The following IGSF21 variants were observed in gnomAD, a reference collection of about 807,000 sequenced individuals.
The protein encoded by IGSF21 is immunoglobin superfamily member 21.
A neutral mutation model predicts 46.8 loss-of-function variants in IGSF21; 28 were observed. The observed-to-expected ratio is 0.60, with a 90% CI of 0.44 to 0.82. IGSF21 has a LOEUF of 0.82. Among genes scored for constraint, IGSF21 ranks in the 40% least tolerant of loss-of-function variants. IGSF21 has a pLI of 0.00. For missense variants in IGSF21, 624 were observed against 665.5 expected (o/e 0.94, Z 0.69); for synonymous variants, 284 against 273.6 (o/e 1.04, Z -0.38).
chr1:18,187,109 T>C (rs924554914), intron 1 of IGSF21, among the ~76,000 whole-genome samples: 1 of 152,052 alleles, frequency 6.6e-6, no homozygotes, highest in Non-Finnish European at 1.5e-5. Context: ...TTCTGGGGAC[T>C]AGGAAGTCCA....
At position 18,227,948 on chromosome 1, in the gene IGSF21, G is replaced by C. The variant is rs371692339; in HGVS notation, c.121G>C (p.Ala41Pro). Residue 41 changes from alanine (A) to proline (P), a missense_variant, in exon 2 of 10, where the codon GCC becomes CCC. Transcript: ENST00000251296. ...TCTCCCCCCTGTGGTGGCTGGAGACGCCGTGACTTTGAAGTGTAACTTCAA... is the reference window on the plus strand; with the variant it reads ...TCTCCCCCCTGTGGTGGCTGGAGACCCCGTGACTTTGAAGTGTAACTTCAA... ...EPLPPVVAGD[A>P]VTLKCNFKTD... 9 of 1,613,936 alleles carry C rather than the reference G, an allele frequency of 5.6e-6. No individual in the cohort carries two copies. Among genetic ancestry groups the C allele is most frequent in the Non-Finnish European group, 7.6e-6 (9 of 1,179,978 alleles).
chr1:18,319,652 T>C (rs2085581046), intron 3 of IGSF21, among the ~76,000 whole-genome samples: 1 of 152,230 alleles, frequency 6.6e-6, no homozygotes, highest in Non-Finnish European at 1.5e-5. Flanking sequence ...AGCAAAGTTT[T>C]GGTACTTAAT....
intron 3 of IGSF21, among the ~76,000 whole-genome samples, chr1:18,312,404 C>T (rs1299912660): frequency 3.3e-5 from 5 of 152,186 alleles, no homozygotes; most frequent in Admixed American, 2.0e-4. Flanking sequence ...TGTAGCAAAT[C>T]GCCACCAACT....
chr1:18,279,817 C>A (rs1319988949), intron 2 of IGSF21, among the ~76,000 whole-genome samples: 6 of 152,264 alleles, frequency 3.9e-5, no homozygotes, highest in Non-Finnish European at 8.8e-5. Context: ...TTTGCCGGTG[C>A]ACCCGCCCCT....
At chr1:18,347,561 G>A (rs1347136511) in intron 4 of IGSF21, among the ~76,000 whole-genome samples, 3 of 152,186 alleles carry the variant, frequency 2.0e-5, no homozygotes, top group African/African-American at 7.2e-5. Flanking sequence ...TTACAGAGAA[G>A]AAAACTGAGT....
At chr1:18,125,847 G>T (rs901891253) in intron 1 of IGSF21, among the ~76,000 whole-genome samples, 1 of 152,214 alleles carries the variant, frequency 6.6e-6, no homozygotes. Flanking sequence ...TTGGGCAGGG[G>T]CCCTATTGAT....
intron 3 of IGSF21, among the ~76,000 whole-genome samples, chr1:18,319,346 C>G (rs1233125396): frequency 2.0e-5 from 3 of 152,226 alleles, no homozygotes; most frequent in African/African-American, 4.8e-5. Context: ...TACTTACATC[C>G]CTCTGCCAGA....
At chr1:18,274,035 G>A (rs907757551) in intron 2 of IGSF21, among the ~76,000 whole-genome samples, 1 of 151,950 alleles carries the variant, frequency 6.6e-6, no homozygotes, top group Admixed American at 6.6e-5. Flanking sequence ...GATGAGTCAG[G>A]GGCTCACATG....
At chr1:18,294,861 C>T (rs989186709) in intron 3 of IGSF21, among the ~76,000 whole-genome samples, 1 of 152,272 alleles carries the variant, frequency 6.6e-6, no homozygotes, top group African/African-American at 2.4e-5. Flanking sequence ...ACTGCCTCTT[C>T]AGGCTGCAGA....
intron 4 of IGSF21, among the ~76,000 whole-genome samples, chr1:18,351,894 A>G (rs886073748): frequency 1.3e-5 from 2 of 152,234 alleles, no homozygotes; most frequent in African/African-American, 4.8e-5. Context: ...AGGCAGTTGC[A>G]GGCAGCGGCC....
intron 1 of IGSF21, among the ~76,000 whole-genome samples, chr1:18,226,817 A>G (rs61762150): frequency 0.21 from 32,671 of 152,146 alleles, 4,102 homozygotes; most frequent in Non-Finnish European, 0.28. Flanking sequence ...GGATTGATCC[A>G]TTAGATCAAT....
Position 18,288,528 on chromosome 1 carries a change from G to A in IGSF21, c.184-3338G>A, listed in dbSNP as rs1714959. Among the ~76,000 whole-genome samples the A allele has an allele frequency of 3.6e-3, 542 of 152,284 alleles. 3 individuals carry two copies. The highest frequency in any genetic ancestry group is 0.012 in the African/African-American group (501 of 41,542). On this transcript the variant is annotated intron_variant, in intron 2 of 9. Transcript: ENST00000251296. ...GCAACTGCCCCTGTATGTCTCAGGC[G>A]TGGAGAAATGTTTCTAGAATTAAAG...
intron 9 of IGSF21, 69 bp downstream of exon 9, chr1:18,377,500 C>A: frequency 3.1e-6 from 4 of 1,287,416 alleles, no homozygotes; most frequent in East Asian, 2.3e-5. Flanking sequence ...AAGCTCTGGT[C>A]CCCCAAACTT....
intron 1 of IGSF21, among the ~76,000 whole-genome samples, chr1:18,129,889 C>T (rs528201950): frequency 1.3e-5 from 2 of 152,282 alleles, no homozygotes; most frequent in African/African-American, 4.8e-5. Context: ...TGCCCTTCCG[C>T]GCGCCTTCCA....
intron 2 of IGSF21, among the ~76,000 whole-genome samples, chr1:18,269,222 G>T (rs1235917816): frequency 2.0e-5 from 3 of 152,202 alleles, no homozygotes; most frequent in Non-Finnish European, 2.9e-5. Flanking sequence ...GGTGGCTGCT[G>T]ATGCCGATGA....
rs1168136534 is a variant in IGSF21, at chr1:18,111,540, A to G, written c.70+3342A>G. On this transcript the variant is annotated intron_variant, in intron 1 of 9. Transcript: ENST00000251296. ...GCTGCCCTGGTGGATGCTGGGGATG[A>G]GGCCCACATCGAGCGCTCCTTCCAC... is the stretch of plus-strand genomic sequence containing the variant. 2.0e-5 allele frequency: 3 copies of G among 152,218 alleles called. 1 individual carries two copies. The highest frequency in any genetic ancestry group is 6.5e-5 in the Admixed American group (1 of 15,282). The allele number at this position is 152,218 out of a possible 1,614,324, so 9.4% of individuals were successfully genotyped here.
chr1:18,315,028 C>T (rs1363143107), intron 3 of IGSF21, among the ~76,000 whole-genome samples: 1 of 152,070 alleles, frequency 6.6e-6, no homozygotes, highest in Non-Finnish European at 1.5e-5. Flanking sequence ...AGGACAGCAT[C>T]CCAGGCAGAG....
At chr1:18,108,696 G>C (rs1177757473) in intron 1 of IGSF21, among the ~76,000 whole-genome samples, 1 of 152,012 alleles carries the variant, frequency 6.6e-6, no homozygotes. Context: ...GTGTCACTGT[G>C]GGTGTGAGGT....
At chr1:18,323,829 C>T (rs537105463) in intron 3 of IGSF21, among the ~76,000 whole-genome samples, 8 of 152,134 alleles carry the variant, frequency 5.3e-5, no homozygotes, top group South Asian at 2.1e-4. Context: ...GGTTGGGGGG[C>T]GGTGAAAATC....
Sources: allele counts gnomAD v4.1 joint callset (sites outside exome capture counted in the v4.1 genomes callset), GRCh38; gene constraint gnomAD v4.1.1; transcripts MANE v1.5; gene names NCBI Gene and HGNC (gene_info 2026-07-23, HGNC 2026-07-21).